Variants in NCAM1 observed in about 807,000 individuals in gnomAD.
NCAM1 encodes antigen recognized by monoclonal antibody 5.1H11.
A neutral mutation model predicts 109.8 loss-of-function variants in NCAM1; 14 were observed. That is an observed-to-expected ratio of 0.13 (90% CI 0.08 to 0.20). The LOEUF is 0.20. NCAM1 is among the 10% of genes least tolerant of loss of function. The pLI is 1.00. For synonymous variants in NCAM1, 418 were observed against 442.9 expected (o/e 0.94, Z 0.70); for missense variants, 774 against 1,109.9 (o/e 0.70, Z 4.30).
At chr11:113,216,452 G>A (rs561863504) in intron 8 of NCAM1, among the ~76,000 whole-genome samples, 13 of 151,856 alleles carry the variant, frequency 8.6e-5, no homozygotes, top group Non-Finnish European at 1.5e-4. Context: ...GCGCCCGGCC[G>A]ATTTCATTTT....
intron 1 of NCAM1, among the ~76,000 whole-genome samples, chr11:113,168,987 C>T (rs1184589191): frequency 1.3e-5 from 2 of 150,364 alleles, no homozygotes; most frequent in Non-Finnish European, 3.0e-5. Flanking sequence ...TGTAAATGTG[C>T]TTGTGTGCGT....
chr11:113,029,164 A>G (rs1952643785), intron 1 of NCAM1, among the ~76,000 whole-genome samples: 1 of 152,366 alleles, frequency 6.6e-6, no homozygotes, highest in Admixed American at 6.5e-5. Flanking sequence ...AGGTGACCGT[A>G]ATCACAGGAT....
chr11:113,190,005 TGG>T (rs34254886), intron 1 of NCAM1, among the ~76,000 whole-genome samples: 1 of 152,162 alleles, frequency 6.6e-6, no homozygotes. Flanking sequence ...AATTAGCACA[TGG>T]GGGAGGTCCC....
intron 1 of NCAM1, among the ~76,000 whole-genome samples, chr11:113,062,371 T>A (rs1385061946): frequency 6.6e-6 from 1 of 152,166 alleles, no homozygotes; most frequent in Non-Finnish European, 1.5e-5. Context: ...TTGTCTGGCT[T>A]TTTTCAGCGA....
intron 1 of NCAM1, among the ~76,000 whole-genome samples, chr11:113,000,163 T>A (rs1555072148): frequency 1.3e-5 from 2 of 152,234 alleles, no homozygotes. Flanking sequence ...GTTGGTTTAC[T>A]TATTCATTCG....
At position 113,255,839 on chromosome 11, in the gene NCAM1, T is replaced by C. The variant is rs782755908; in HGVS notation, c.1829-38T>C. On this transcript the variant is annotated intron_variant, in intron 15 of 19. Coordinates refer to ENST00000316851, the MANE Select transcript of NCAM1 (RefSeq NM_181351.5). The stretch of plus-strand genomic sequence containing the variant: ...TCAGATGGGTTGGATTTTCATTCTG[T>C]GGATGAGAATTTCATGTGAATTAAC... The C allele has an allele frequency of 1.9e-6, 3 of 1,608,418 alleles. No individual in the cohort carries two copies. The South Asian group carries it at 3.3e-5, about 18-fold the overall frequency.
At chr11:113,065,698 T>G (rs1354220592) in intron 1 of NCAM1, among the ~76,000 whole-genome samples, 3 of 152,142 alleles carry the variant, frequency 2.0e-5, no homozygotes, top group African/African-American at 7.2e-5. Flanking sequence ...AAGCAAAGTC[T>G]GAGAAATTGA....
intron 1 of NCAM1, among the ~76,000 whole-genome samples, chr11:113,102,989 A>G (rs1457966438): frequency 2.1e-5 from 1 of 47,170 alleles, no homozygotes; most frequent in Non-Finnish European, 3.6e-5. Flanking sequence ...GGTTACAGAC[A>G]TGTTTCTGCG....
intron 1 of NCAM1, chr11:112,977,270 G>C (rs1951032528): frequency 6.6e-6 from 1 of 151,722 alleles, no homozygotes; most frequent in Non-Finnish European, 1.5e-5. Flanking sequence ...TAGTCTTATA[G>C]TGATTTAATA....
rs200210295 is a variant in NCAM1, at chr11:113,186,036, TTTTCAGGTTA to T, written c.53-16336_53-16327del. 3.3e-5 allele frequency among the ~76,000 whole-genome samples: 5 copies of T among 151,842 alleles called. No homozygotes were observed. The East Asian group carries it at 9.6e-4, about 29-fold the overall frequency. ...TCAGAAAACAACGGTCATAATATGA[TTTTCAGGTTA>T]TTTCAGCAACTATCTTTTAAGGCAT... On this transcript the variant is annotated intron_variant, in intron 1 of 19. Transcript: ENST00000316851.
chr11:113,021,186 G>A lies in NCAM1; in HGVS notation c.52+59522G>A, dbSNP rs1485298524. Reference sequence around the variant, plus strand: ...TACCACATGCCAGGCAGTATGCTAAGTGCTTTCGTCACATTTGAGTGTACA... The same window carrying A: ...TACCACATGCCAGGCAGTATGCTAAATGCTTTCGTCACATTTGAGTGTACA... On this transcript the variant is annotated intron_variant, in intron 1 of 19. Transcript: ENST00000316851. Among the ~76,000 whole-genome samples the A allele has an allele frequency of 3.3e-5, 5 of 152,210 alleles. No individual in the cohort carries two copies. The South Asian group carries it at 6.2e-4, about 19-fold the overall frequency.
chr11:113,204,746 G>A (rs1944184613), intron 3 of NCAM1, among the ~76,000 whole-genome samples: 1 of 152,174 alleles, frequency 6.6e-6, no homozygotes, highest in Non-Finnish European at 1.5e-5. Context: ...TTCCCAGAGG[G>A]CTATTACGGG....
At chr11:113,128,907 GTGT>G (rs546341157) in intron 1 of NCAM1, among the ~76,000 whole-genome samples, 2 of 106,680 alleles carry the variant, frequency 1.9e-5, no homozygotes, top group South Asian at 2.6e-4. Context: ...AGTTGTGAGG[GTGT>G]GTGTGTGTGT....
At chr11:113,264,819 A>G (rs1287755542) in intron 17 of NCAM1, 1 of 985,344 alleles carries the variant, frequency 1.0e-6, no homozygotes, top group Non-Finnish European at 1.2e-6. Flanking sequence ...CCATTTAGAC[A>G]GACCCACGGC....
Position 113,179,256 on chromosome 11 carries a change from T to C in NCAM1, c.53-23123T>C, listed in dbSNP as rs556693083. ...ACAATTTTGAAGCCTAGCCTTGTTTTCTGTGAGAGTGTATGATTATGTGTG... is the reference window on the plus strand; with the variant it reads ...ACAATTTTGAAGCCTAGCCTTGTTTCCTGTGAGAGTGTATGATTATGTGTG... On this transcript the variant is annotated intron_variant, in intron 1 of 19. Transcript: ENST00000316851. 1.4e-3 allele frequency among the ~76,000 whole-genome samples: 213 copies of C among 152,380 alleles called. 3 individuals are homozygous for C. The Middle Eastern group carries it at 0.034, about 24-fold the overall frequency.
intron 1 of NCAM1, among the ~76,000 whole-genome samples, chr11:113,200,728 G>A (rs1591410833): frequency 6.6e-6 from 1 of 152,132 alleles, no homozygotes; most frequent in Non-Finnish European, 1.5e-5. Flanking sequence ...GAGAATGACA[G>A]GAGAAAGCAC....
chr11:113,094,137 A>G (rs1050612732), intron 1 of NCAM1, among the ~76,000 whole-genome samples: 7 of 152,200 alleles, frequency 4.6e-5, no homozygotes, highest in African/African-American at 1.4e-4. Flanking sequence ...ATGAACAGCA[A>G]TGACTTGGGG....
chr11:113,050,410 G>A (rs1046834474), intron 1 of NCAM1, among the ~76,000 whole-genome samples: 3 of 151,026 alleles, frequency 2.0e-5, no homozygotes, highest in African/African-American at 7.3e-5. Flanking sequence ...ATTTATTATA[G>A]GAGGTTTGAG....
At chr11:113,164,574 GA>G (rs1269313625) in intron 1 of NCAM1, among the ~76,000 whole-genome samples, 2 of 152,142 alleles carry the variant, frequency 1.3e-5, no homozygotes, top group African/African-American at 2.4e-5. Context: ...AGAACTCAGG[GA>G]AACACATATT....
Sources: gnomAD v4.1 joint callset for allele counts (sites outside exome capture counted in the v4.1 genomes callset) on GRCh38, gnomAD v4.1.1 for gene constraint, MANE v1.5 for transcripts, NCBI Gene and HGNC (gene_info 2026-07-23, HGNC 2026-07-21) for gene names.